The following NEK7 variants were observed in gnomAD, a reference collection of about 807,000 sequenced individuals.
The protein encoded by NEK7 is serine/threonine-protein kinase Nek7.
In NEK7, 18 loss-of-function variants were observed where a neutral mutation model predicts 44.6. That is an observed-to-expected ratio of 0.40 (90% CI 0.28 to 0.60). NEK7 has a LOEUF of 0.60. Among genes scored for constraint, NEK7 ranks in the 20% least tolerant of loss-of-function variants. The probability of loss-of-function intolerance (pLI) is 0.38; values close to 1 mark genes in which losing one functional copy is unlikely to be tolerated. For synonymous variants in NEK7, 130 were observed against 121.1 expected, an observed-to-expected ratio of 1.07 and a Z score of -0.48; for missense variants, 256 against 366.5, an observed-to-expected ratio of 0.70 and a Z score of 2.46.
rs760602594 is a variant in NEK7 at position 198,263,865 on chromosome 1, A to G, written c.262-260A>G. ...ATCTGTTGATATGCTTATTGGGCAT[A>G]GCAGTACTTTTAAATTAAGATTTAA... On this transcript the variant is annotated intron_variant, in intron 4 of 9. Transcript: ENST00000367385. Among the ~76,000 whole-genome samples the G allele has an allele frequency of 2.6e-5, 4 of 152,000 alleles. 1 individual carries two copies. The highest frequency in any genetic ancestry group is 6.6e-5 in the Admixed American group (1 of 15,218).
rs181872238 is a variant in NEK7, at chr1:198,252,732, A to T, written c.58-308A>T. Among the ~76,000 whole-genome samples, 54 of 150,968 alleles carry T rather than the reference A, an allele frequency of 3.6e-4. No individual in the cohort carries two copies. In the Middle Eastern group the frequency reaches 0.021, roughly 59 times the overall value. On this transcript the variant is annotated intron_variant, in intron 2 of 9. Transcript: ENST00000367385. Reference sequence around the variant, plus strand: ...TGTTTACATATTTATTAAAACATGTATGTATGTTTTATATATTTATTAAAA... The same window carrying T: ...TGTTTACATATTTATTAAAACATGTTTGTATGTTTTATATATTTATTAAAA...
chr1:198,292,426 T>C (rs907441854), intron 7 of NEK7, among the ~76,000 whole-genome samples: 2 of 151,998 alleles, frequency 1.3e-5, no homozygotes, highest in Non-Finnish European at 2.9e-5. Flanking sequence ...GTATTCTTTC[T>C]AAAGTGGAAG....
At chr1:198,219,156 C>A (rs1292186767) in intron 1 of NEK7, among the ~76,000 whole-genome samples, 1 of 151,452 alleles carries the variant, frequency 6.6e-6, no homozygotes, top group Non-Finnish European at 1.5e-5. Context: ...ATGGAATCAA[C>A]CTAAGTACCC....
At chr1:198,267,209 A>C (rs1213146083) in intron 5 of NEK7, among the ~76,000 whole-genome samples, 1 of 152,066 alleles carries the variant, frequency 6.6e-6, no homozygotes. Context: ...TCATCATTTA[A>C]ATATGCTCAG....
chr1:198,224,507 A>G (rs1270490285), intron 1 of NEK7, among the ~76,000 whole-genome samples: 1 of 152,164 alleles, frequency 6.6e-6, no homozygotes, highest in Non-Finnish European at 1.5e-5. Context: ...TCGTTGAGCA[A>G]CATACGTCTG....
At chr1:198,284,615 C>T (rs955899424) in intron 7 of NEK7, among the ~76,000 whole-genome samples, 3 of 152,036 alleles carry the variant, frequency 2.0e-5, no homozygotes, top group Admixed American at 6.6e-5. Flanking sequence ...TTTCTCGTAT[C>T]GTAAGAGGCA....
chr1:198,233,377 T>C (rs1666456561), intron 2 of NEK7, among the ~76,000 whole-genome samples: 1 of 152,204 alleles, frequency 6.6e-6, no homozygotes, highest in South Asian at 2.1e-4. Context: ...AGCTAACGTG[T>C]AATGACATGT....
chr1:198,287,130 C>T (rs978770268), intron 7 of NEK7, among the ~76,000 whole-genome samples: 1 of 152,114 alleles, frequency 6.6e-6, no homozygotes, highest in African/African-American at 2.4e-5. Flanking sequence ...GACGCGACAG[C>T]TAGGGAGACA....
chr1:198,230,304 T>G (rs1311846237), intron 1 of NEK7, among the ~76,000 whole-genome samples: 1 of 152,120 alleles, frequency 6.6e-6, no homozygotes, highest in East Asian at 1.9e-4. Context: ...CGACCTTGAA[T>G]CCAATACTGC....
At chr1:198,231,299 GTGTATATATATATATATATATATATATA>G (rs1398758505) in intron 1 of NEK7, among the ~76,000 whole-genome samples, 1 of 98,264 alleles carries the variant, frequency 1.0e-5, no homozygotes, top group African/African-American at 4.3e-5. Flanking sequence ...GTATGTGTGT[GTGTATATATATATATATATATATATATA>G]TATATATATA....
intron 1 of NEK7, among the ~76,000 whole-genome samples, chr1:198,163,583 A>G (rs918054942): frequency 2.0e-5 from 3 of 152,236 alleles, no homozygotes; most frequent in Admixed American, 2.0e-4. Flanking sequence ...CAAATAGTAT[A>G]TCTTTATTCC....
intron 8 of NEK7, among the ~76,000 whole-genome samples, chr1:198,293,374 A>G (rs1306534248): frequency 6.6e-6 from 1 of 151,934 alleles, no homozygotes. Flanking sequence ...CAGGAGTGGC[A>G]TAATGGATTG....
intron 1 of NEK7, among the ~76,000 whole-genome samples, chr1:198,158,218 G>A (rs1444067119): frequency 6.6e-6 from 1 of 152,214 alleles, no homozygotes; most frequent in Non-Finnish European, 1.5e-5. Context: ...TTAGTTTACA[G>A]TAAGATACAT....
chr1:198,275,493 A>C (rs1653988537), intron 5 of NEK7, among the ~76,000 whole-genome samples: 1 of 150,572 alleles, frequency 6.6e-6, no homozygotes, highest in African/African-American at 2.4e-5. Context: ...ACACGTTGGC[A>C]TTAGATTTTT....
At chr1:198,308,634 G>C (rs926161428) in intron 9 of NEK7, among the ~76,000 whole-genome samples, 2 of 152,202 alleles carry the variant, frequency 1.3e-5, no homozygotes, top group African/African-American at 4.8e-5. Context: ...CACGACTCAT[G>C]ATTTCTCCCT....
chr1:198,319,431 T>G lies in NEK7; in HGVS notation c.818T>G (p.Met273Arg). 2 of 1,611,696 alleles carry G rather than the reference T, an allele frequency of 1.2e-6. No individual in the cohort carries two copies. The highest frequency in any genetic ancestry group is 1.7e-6 in the Non-Finnish European group (2 of 1,178,728). ...TCACAGCTCCGACAGTTAGTTAATATGTGCATCAACCCAGATCCAGAGAAG... is the reference window on the plus strand; with the variant it reads ...TCACAGCTCCGACAGTTAGTTAATAGGTGCATCAACCCAGATCCAGAGAAG... ...YSEELRQLVN[M>R]CINPDPEKRP... The change falls in exon 10 of 10, where the codon ATG becomes AGG. Residue 273 changes from methionine (M) to arginine (R), a missense_variant. This residue lies in a region of NEK7 where 58 missense variants were observed against 66.5 expected (regional missense o/e 0.87). Coordinates refer to ENST00000367385, the MANE Select transcript of NEK7 (RefSeq NM_133494.3).
At chr1:198,199,967 C>G (rs1196303408) in intron 1 of NEK7, among the ~76,000 whole-genome samples, 1 of 151,874 alleles carries the variant, frequency 6.6e-6, no homozygotes, top group African/African-American at 2.4e-5. Context: ...TTCTATTGTT[C>G]CAACTGCTCT....
intron 7 of NEK7, among the ~76,000 whole-genome samples, chr1:198,291,440 G>A (rs757440753): frequency 1.3e-5 from 2 of 152,196 alleles, no homozygotes; most frequent in Non-Finnish European, 2.9e-5. Flanking sequence ...ATTTTACACA[G>A]TAATAATACA....
At chr1:198,231,319 A>G (rs1227915015) in intron 1 of NEK7, among the ~76,000 whole-genome samples, 9 of 142,888 alleles carry the variant, frequency 6.3e-5, no homozygotes, top group Admixed American at 2.1e-4. Context: ...ATATATATAT[A>G]TATATATATA....
Sources: gnomAD v4.1 joint callset for allele counts (sites outside exome capture counted in the v4.1 genomes callset) on GRCh38, gnomAD v4.1.1 for gene constraint, gnomAD v4.1.1 regional missense constraint, MANE v1.5 for transcripts, NCBI Gene and HGNC (gene_info 2026-07-23, HGNC 2026-07-21) for gene names.